Variants in AFF3 observed in about 807,000 individuals in gnomAD.
The protein encoded by AFF3 is ALF transcription elongation factor 3.
Under a neutral mutation model 129.7 loss-of-function variants are expected in AFF3, and 32 were observed. That is an observed-to-expected ratio of 0.25 (90% confidence interval 0.19 to 0.33). The LOEUF is 0.33. Among genes scored for constraint, AFF3 ranks in the 10% least tolerant of loss-of-function variants. The pLI is 1.00. For synonymous variants in AFF3, 644 were observed against 635.4 expected (o/e 1.01, Z -0.20); for missense variants, 1,373 against 1,592.0 (o/e 0.86, Z 2.34).
chr2:99,630,820 A>G (rs1683055604), intron 13 of AFF3: 2 of 238,396 alleles, frequency 8.4e-6, no homozygotes, highest in Non-Finnish European at 1.9e-5. Flanking sequence ...ACCTCCCACC[A>G]GGTCCCTCTC....
At position 99,784,539 on chromosome 2, in the gene AFF3, C is replaced by T. The variant is rs139074696; in HGVS notation, c.922-32238G>A. Among the ~76,000 whole-genome samples the T allele has an allele frequency of 2.8e-4, 43 of 152,276 alleles. No individual in the cohort carries two copies. The East Asian group carries it at 7.5e-3, about 27-fold the overall frequency. ...GGATGGCAAATAAAAGTGCACAGCTCAGTAAATTATGCAAGTTCACATTAC... is the reference window on the plus strand; with the variant it reads ...GGATGGCAAATAAAAGTGCACAGCTTAGTAAATTATGCAAGTTCACATTAC... On this transcript the variant is annotated intron_variant, in intron 8 of 24. Coordinates refer to ENST00000672756, the MANE Select transcript of AFF3 (RefSeq NM_001386135.1).
intron 7 of AFF3, among the ~76,000 whole-genome samples, chr2:99,926,681 G>T (rs185808449): frequency 2.8e-3 from 347 of 122,032 alleles, no homozygotes; most frequent in African/African-American, 9.7e-3. Context: ...CATAGGAGCT[G>T]GTGCAAGGGG....
intron 18 of AFF3, among the ~76,000 whole-genome samples, chr2:99,573,789 G>A (rs1490595548): frequency 6.6e-6 from 1 of 152,162 alleles, no homozygotes; most frequent in Admixed American, 6.5e-5. Flanking sequence ...GGGGACAGAA[G>A]GGACGTTTGG....
In AFF3 at chr2:99,657,761, A is replaced by G. The variant is rs188537843; in HGVS notation, c.1144-8095T>C. ...CTAGAAATTTGATAGACAATAAAAAACATTTATTGAGCACCTAGTATATCC... is the reference window on the plus strand; with the variant it reads ...CTAGAAATTTGATAGACAATAAAAAGCATTTATTGAGCACCTAGTATATCC... On this transcript the variant is annotated intron_variant, in intron 12 of 24. Coordinates refer to ENST00000672756, the MANE Select transcript of AFF3 (RefSeq NM_001386135.1). Among the ~76,000 whole-genome samples the G allele has an allele frequency of 9.8e-4, 150 of 152,350 alleles. 1 individual carries two copies. The highest frequency in any genetic ancestry group is 3.4e-3 in the African/African-American group (142 of 41,584).
chr2:99,701,157 C>T (rs771300018), intron 11 of AFF3, among the ~76,000 whole-genome samples: 65 of 151,882 alleles, frequency 4.3e-4, no homozygotes, highest in African/African-American at 1.2e-3. Flanking sequence ...TGGGTGTGGA[C>T]GTGGGTGTGT....
intron 13 of AFF3, among the ~76,000 whole-genome samples, chr2:99,647,797 C>T (rs1183974363): frequency 7.9e-5 from 12 of 152,034 alleles, no homozygotes. Context: ...AGGGAAATGC[C>T]CTATTACATT....
intron 6 of AFF3, 46 bp from the exon 7 acceptor site, chr2:100,007,063 G>A (rs761609185): frequency 2.1e-5 from 33 of 1,585,326 alleles, no homozygotes; most frequent in East Asian, 2.0e-4. Flanking sequence ...GAGGGGGGTC[G>A]ACACATAGGG....
chr2:99,649,432 T>C (rs1048869945), intron 13 of AFF3, among the ~76,000 whole-genome samples, 194 bp downstream of exon 13: 1 of 152,206 alleles, frequency 6.6e-6, no homozygotes, highest in Non-Finnish European at 1.5e-5. Context: ...TCATACTTGC[T>C]ATGAAATACA....
intron 8 of AFF3, among the ~76,000 whole-genome samples, chr2:99,787,444 T>C (rs1384292283): frequency 2.0e-5 from 3 of 152,226 alleles, no homozygotes; most frequent in Non-Finnish European, 4.4e-5. Flanking sequence ...TTTTGCTTTC[T>C]GAGAAAGCCT....
intron 8 of AFF3, among the ~76,000 whole-genome samples, chr2:99,823,001 G>A (rs75635859): frequency 6.6e-6 from 1 of 152,138 alleles, no homozygotes; most frequent in East Asian, 1.9e-4. Context: ...TTTCTGGGCA[G>A]TATCCTCCTC....
chr2:99,766,293 C>T (rs1428297852), intron 8 of AFF3, among the ~76,000 whole-genome samples: 1 of 152,218 alleles, frequency 6.6e-6, no homozygotes, highest in Non-Finnish European at 1.5e-5. Context: ...AAATGTTTCC[C>T]AGCTAAACCA....
At chr2:99,707,256 A>C in intron 11 of AFF3, 1 of 985,446 alleles carries the variant, frequency 1.0e-6, no homozygotes, top group South Asian at 4.7e-5. Context: ...GACATGTCCA[A>C]GATTAAAGGA....
chr2:99,817,188 A>G (rs1270737367), intron 8 of AFF3, among the ~76,000 whole-genome samples: 1 of 152,164 alleles, frequency 6.6e-6, no homozygotes, highest in Non-Finnish European at 1.5e-5. Context: ...AGATTCTCCC[A>G]GGTCTTCCCT....
In AFF3 at chr2:99,560,355, G is replaced by A. The variant is rs1396205134; in HGVS notation, c.3191+10C>T. The A allele has an allele frequency of 6.2e-7, 1 of 1,613,638 alleles. No homozygotes were observed. Among genetic ancestry groups the A allele is most frequent in the African/African-American group, 1.3e-5 (1 of 74,916 alleles). On this transcript the variant is annotated intron_variant, in intron 21 of 24. Transcript: ENST00000672756. The stretch of plus-strand genomic sequence containing the variant: ...TGGGGCTGCTATTCTAAGCGGAGAT[G>A]GGCACTCACCATAATGCAGCCAGTT...
intron 4 of AFF3, among the ~76,000 whole-genome samples, chr2:100,093,988 G>C (rs1690081931): frequency 6.6e-6 from 1 of 152,108 alleles, no homozygotes. Flanking sequence ...GAGTAGTGTG[G>C]TCTTCCCATT....
chr2:100,017,627 T>A (rs1334685430), intron 4 of AFF3, among the ~76,000 whole-genome samples: 1 of 152,172 alleles, frequency 6.6e-6, no homozygotes, highest in African/African-American at 2.4e-5. Context: ...GTCTATGTCA[T>A]CCTCCCAGGC....
intron 13 of AFF3, among the ~76,000 whole-genome samples, chr2:99,636,202 A>G (rs1451545209): frequency 6.6e-6 from 1 of 152,186 alleles, no homozygotes. Flanking sequence ...TTCTGTCTCC[A>G]AAGTAAGATG....
chr2:99,723,311 C>T (rs547850757), intron 11 of AFF3, among the ~76,000 whole-genome samples: 1 of 152,260 alleles, frequency 6.6e-6, no homozygotes, highest in South Asian at 2.1e-4. Context: ...TGATCGATCT[C>T]CCGTTTTTAA....
At chr2:100,084,303 C>T (rs1266647853) in intron 4 of AFF3, among the ~76,000 whole-genome samples, 1 of 152,220 alleles carries the variant, frequency 6.6e-6, no homozygotes, top group Non-Finnish European at 1.5e-5. Context: ...CTGTACTAAA[C>T]ACTTTACGCA....
Sources: gnomAD v4.1 joint callset for allele counts (sites outside exome capture counted in the v4.1 genomes callset) on GRCh38, gnomAD v4.1.1 for gene constraint, MANE v1.5 for transcripts, NCBI Gene and HGNC (gene_info 2026-07-23, HGNC 2026-07-21) for gene names.